The following GPHN variants were observed in gnomAD, a reference collection of about 807,000 sequenced individuals.
The protein encoded by GPHN is gephyrin.
In GPHN, 17 loss-of-function variants were observed where a neutral mutation model predicts 95.5. The observed-to-expected ratio is 0.18, with a 90% CI of 0.12 to 0.27. The LOEUF (loss-of-function observed/expected upper bound fraction) is 0.27. Among genes scored for constraint, GPHN ranks in the 10% least tolerant of loss-of-function variants. GPHN has a pLI of 1.00. For missense variants in GPHN, 660 were observed against 978.1 expected, an observed-to-expected ratio of 0.67 and a Z score of 4.34; for synonymous variants, 320 against 322.5, an observed-to-expected ratio of 0.99 and a Z score of 0.08.
intron 4 of GPHN, among the ~76,000 whole-genome samples, chr14:66,859,302 C>T (rs995669005): frequency 6.6e-6 from 1 of 152,134 alleles, no homozygotes; most frequent in Non-Finnish European, 1.5e-5. Context: ...GCTCCGGAAG[C>T]ACAGCACAGA....
At chr14:67,226,070 C>T in the GPHN span, among the ~76,000 whole-genome samples, 2 of 152,174 alleles carry the variant, frequency 1.3e-5, no homozygotes, top group Non-Finnish European at 2.9e-5. Context: ...AACCCCTTGC[C>T]CATCTTGGCA....
chr14:67,117,344 G>A (rs1342063946), intron 16 of GPHN, among the ~76,000 whole-genome samples: 1 of 152,192 alleles, frequency 6.6e-6, no homozygotes, highest in Non-Finnish European at 1.5e-5. Context: ...AATGACCACT[G>A]CAATTCCAGG....
the GPHN span, among the ~76,000 whole-genome samples, chr14:67,305,994 T>G: frequency 2.6e-5 from 4 of 151,814 alleles, no homozygotes; most frequent in Non-Finnish European, 5.9e-5. Context: ...TTCTTTTTAC[T>G]TGGAGTCTCA....
intron 3 of GPHN, among the ~76,000 whole-genome samples, chr14:66,796,734 G>A (rs535591070): frequency 7.9e-5 from 12 of 151,970 alleles, no homozygotes; most frequent in Admixed American, 2.6e-4. Flanking sequence ...TCCCTTGTCC[G>A]ATGGGTAGCT....
At chr14:67,318,533 A>G in the GPHN span, among the ~76,000 whole-genome samples, 1 of 152,240 alleles carries the variant, frequency 6.6e-6, no homozygotes. Context: ...CACTGAGTCT[A>G]TAAATTAAAA....
chr14:66,972,812 A>G (rs1247626489), intron 9 of GPHN, among the ~76,000 whole-genome samples: 1 of 152,168 alleles, frequency 6.6e-6, no homozygotes, highest in Non-Finnish European at 1.5e-5. Context: ...ATTTCAAACT[A>G]GCTTTTTTAA....
intron 1 of GPHN, among the ~76,000 whole-genome samples, chr14:66,561,524 T>A (rs2060243424): frequency 6.6e-6 from 1 of 152,134 alleles, no homozygotes; most frequent in African/African-American, 2.4e-5. Context: ...CCTCACAGAT[T>A]TCATTTTACA....
In GPHN at chr14:67,131,445, A is replaced by C. The variant is rs117332072; in HGVS notation, c.1748+9068A>C. Among the ~76,000 whole-genome samples the C allele has an allele frequency of 4.6e-5, 7 of 152,318 alleles. No homozygotes were observed. The East Asian group carries it at 1.3e-3, about 29-fold the overall frequency. On this transcript the variant is annotated intron_variant, in intron 17 of 22. Transcript: ENST00000478722. ...TTTTCCTATACCATTCTCTCTTTCC[A>C]TGAAACCTAGAAACTTTCAATTATA...
intron 1 of GPHN, among the ~76,000 whole-genome samples, chr14:66,549,622 G>C (rs906985489): frequency 6.6e-6 from 1 of 152,152 alleles, no homozygotes; most frequent in Admixed American, 6.5e-5. Flanking sequence ...TAAGATCATT[G>C]ATTAAGGTGG....
chr14:66,632,726 C>T (rs192116412), intron 1 of GPHN, among the ~76,000 whole-genome samples: 69 of 152,104 alleles, frequency 4.5e-4, no homozygotes, highest in Non-Finnish European at 8.8e-4. Flanking sequence ...CTTCTGACCT[C>T]GTGATCCGCC....
the GPHN span, among the ~76,000 whole-genome samples, chr14:67,259,036 T>G: frequency 6.6e-6 from 1 of 151,258 alleles, no homozygotes; most frequent in Non-Finnish European, 1.5e-5. Context: ...AGAGACAGGC[T>G]TTCACTATGT....
At chr14:67,448,576 T>A in the GPHN span, among the ~76,000 whole-genome samples, 5 of 151,076 alleles carry the variant, frequency 3.3e-5, no homozygotes, top group Non-Finnish European at 7.4e-5. Flanking sequence ...ACTGCATGGG[T>A]GAAGTTTGGG....
At chr14:66,774,008 T>G (rs962820312) in intron 2 of GPHN, among the ~76,000 whole-genome samples, 8 of 139,402 alleles carry the variant, frequency 5.7e-5, no homozygotes, top group Non-Finnish European at 1.1e-4. Flanking sequence ...TTTTTTTTTT[T>G]TTTTTTTTTT....
intron 3 of GPHN, among the ~76,000 whole-genome samples, chr14:66,779,204 C>CA (rs974567211): frequency 6.6e-6 from 1 of 151,806 alleles, no homozygotes; most frequent in Non-Finnish European, 1.5e-5. Context: ...ATTCTAGCTT[C>CA]AAAAAAAATT....
At chr14:67,490,055 C>A in the GPHN span, among the ~76,000 whole-genome samples, 1 of 152,052 alleles carries the variant, frequency 6.6e-6, no homozygotes, top group African/African-American at 2.4e-5. Context: ...TTCTTGAGAT[C>A]ATAAAATTTC....
intron 3 of GPHN, among the ~76,000 whole-genome samples, chr14:66,807,280 G>T (rs1381404517): frequency 6.6e-6 from 1 of 152,168 alleles, no homozygotes; most frequent in Non-Finnish European, 1.5e-5. Flanking sequence ...CAACATGGGG[G>T]AATTCAAGAT....
At chr14:67,099,188 C>T (rs982823589) in intron 12 of GPHN, among the ~76,000 whole-genome samples, 1 of 151,648 alleles carries the variant, frequency 6.6e-6, no homozygotes, top group African/African-American at 2.4e-5. Flanking sequence ...CAGCTCACCA[C>T]AACCCCCGCC....
At chr14:67,559,679 C>A in the GPHN span, 4 of 1,604,152 alleles carry the variant, frequency 2.5e-6, no homozygotes, top group Non-Finnish European at 2.6e-6. Flanking sequence ...GGGTGACACT[C>A]AAGTTGGCAA....
At chr14:66,837,192 C>G (rs1247098603) in intron 4 of GPHN, among the ~76,000 whole-genome samples, 2 of 151,370 alleles carry the variant, frequency 1.3e-5, no homozygotes, top group South Asian at 2.1e-4. Context: ...TTGGAACCAA[C>G]CCAAATGTCC....
Sources: gnomAD v4.1 joint callset for allele counts (sites outside exome capture counted in the v4.1 genomes callset) on GRCh38, gnomAD v4.1.1 for gene constraint, MANE v1.5 for transcripts, NCBI Gene and HGNC (gene_info 2026-07-23, HGNC 2026-07-21) for gene names.